Variants in PTPRR observed in about 807,000 individuals in gnomAD.
The protein encoded by PTPRR is receptor-type tyrosine-protein phosphatase R.
In PTPRR, 38 loss-of-function variants were observed where a neutral mutation model predicts 77.2. That is an observed-to-expected ratio of 0.49 (90% CI 0.38 to 0.65). The LOEUF (loss-of-function observed/expected upper bound fraction) is 0.65. Among genes scored for constraint, PTPRR ranks in the 30% least tolerant of loss-of-function variants. The pLI, the probability that PTPRR is intolerant of heterozygous loss-of-function variation, is 0.00. For synonymous variants in PTPRR, 299 were observed against 283.1 expected, an observed-to-expected ratio of 1.06 and a Z score of -0.57; for missense variants, 744 against 799.2, an observed-to-expected ratio of 0.93 and a Z score of 0.83.
chr12:70,680,400 C>CA (rs1015241300), intron 10 of PTPRR, among the ~76,000 whole-genome samples: 24 of 152,146 alleles, frequency 1.6e-4, no homozygotes, highest in Non-Finnish European at 3.2e-4. Flanking sequence ...GAATGACTTT[C>CA]ACCAGCAGAT....
intron 1 of PTPRR, among the ~76,000 whole-genome samples, chr12:70,909,530 T>C (rs978317805): frequency 5.3e-5 from 8 of 152,212 alleles, no homozygotes; most frequent in African/African-American, 1.7e-4. Flanking sequence ...TAACTTAATC[T>C]GAACTGAATT....
chr12:70,753,307 G>T (rs1468378943), intron 5 of PTPRR, among the ~76,000 whole-genome samples: 2 of 151,770 alleles, frequency 1.3e-5, no homozygotes, highest in Non-Finnish European at 2.9e-5. Context: ...TGTTGATTGT[G>T]GAGAGAAATA....
chr12:70,708,697 A>G lies in PTPRR; in HGVS notation c.1008-7374T>C, dbSNP rs949307905. On this transcript the variant is annotated intron_variant, in intron 6 of 13. Coordinates refer to ENST00000283228, the MANE Select transcript of PTPRR (RefSeq NM_002849.4). Reference sequence around the variant, plus strand: ...CCTAAGTTAATTTTTCCTAGTTTATATAATTATTTAAGAAAAAGATGCTAA... The same window carrying G: ...CCTAAGTTAATTTTTCCTAGTTTATGTAATTATTTAAGAAAAAGATGCTAA... 8.6e-5 allele frequency among the ~76,000 whole-genome samples: 13 copies of G among 152,012 alleles called. No homozygotes were observed. The East Asian group carries it at 1.5e-3, about 18-fold the overall frequency.
At chr12:70,736,104 A>C (rs186894796) in intron 6 of PTPRR, among the ~76,000 whole-genome samples, 50 of 152,244 alleles carry the variant, frequency 3.3e-4, no homozygotes, top group African/African-American at 1.2e-3. Context: ...TCTTTGCTCT[A>C]TTCGTGTTCA....
intron 3 of PTPRR, among the ~76,000 whole-genome samples, chr12:70,763,633 G>A (rs1890743515): frequency 2.0e-5 from 3 of 152,232 alleles, no homozygotes; most frequent in Non-Finnish European, 2.9e-5. Flanking sequence ...CCTCCATAGT[G>A]AATGCAGATG....
chr12:70,781,646 AG>A (rs1449779412), intron 2 of PTPRR, among the ~76,000 whole-genome samples: 3 of 152,212 alleles, frequency 2.0e-5, no homozygotes, highest in Non-Finnish European at 4.4e-5. Context: ...AACTAAAATT[AG>A]TATGTTGTCA....
At chr12:70,731,643 C>T (rs1018801368) in intron 6 of PTPRR, among the ~76,000 whole-genome samples, 4 of 152,074 alleles carry the variant, frequency 2.6e-5, no homozygotes, top group African/African-American at 4.8e-5. Context: ...ATTTAAGCAC[C>T]CGTGAAGGAG....
intron 2 of PTPRR, among the ~76,000 whole-genome samples, chr12:70,815,512 G>A (rs1042317141): frequency 3.3e-5 from 5 of 152,112 alleles, no homozygotes; most frequent in South Asian, 2.1e-4. Context: ...CTGATATACC[G>A]AACGGTTTTA....
chr12:70,759,703 A>C (rs1032724590), intron 4 of PTPRR, among the ~76,000 whole-genome samples: 9 of 150,336 alleles, frequency 6.0e-5, no homozygotes, highest in African/African-American at 9.8e-5. Flanking sequence ...AAAAAAAAAA[A>C]AAACAAACGA....
At chr12:70,910,640 T>C (rs1342044362) in intron 1 of PTPRR, among the ~76,000 whole-genome samples, 2 of 152,186 alleles carry the variant, frequency 1.3e-5, no homozygotes, top group Non-Finnish European at 2.9e-5. Flanking sequence ...AAATTTATAA[T>C]TTAAGCCCTC....
intron 6 of PTPRR, among the ~76,000 whole-genome samples, chr12:70,720,727 A>G (rs1361713002): frequency 6.6e-6 from 1 of 151,944 alleles, no homozygotes; most frequent in Non-Finnish European, 1.5e-5. Context: ...GTGATCCCCC[A>G]GGCTTGGCCT....
intron 1 of PTPRR, among the ~76,000 whole-genome samples, chr12:70,897,333 AAGG>A (rs1290747788): frequency 6.6e-6 from 1 of 152,076 alleles, no homozygotes; most frequent in African/African-American, 2.4e-5. Context: ...CCCCATCAAA[AAGG>A]AGGCAAAGGA....
chr12:70,830,875 C>G (rs1892200086), intron 2 of PTPRR, among the ~76,000 whole-genome samples: 1 of 152,204 alleles, frequency 6.6e-6, no homozygotes, highest in African/African-American at 2.4e-5. Flanking sequence ...TATAGCCAGC[C>G]ACTAGTCTAA....
chr12:70,867,656 T>C (rs1287092972), intron 2 of PTPRR, among the ~76,000 whole-genome samples: 1 of 152,000 alleles, frequency 6.6e-6, no homozygotes, highest in Non-Finnish European at 1.5e-5. Context: ...AAGCTACCAA[T>C]GACTTTCTTC....
intron 2 of PTPRR, among the ~76,000 whole-genome samples, chr12:70,840,645 G>T (rs1484878815): frequency 6.6e-6 from 1 of 152,030 alleles, no homozygotes; most frequent in African/African-American, 2.4e-5. Flanking sequence ...GAACAACTGG[G>T]AATAAAAGCA....
rs572316545 is a variant in PTPRR at position 70,679,461 on chromosome 12, T to C, written c.1497+4666A>G. Among the ~76,000 whole-genome samples, 6 of 152,336 alleles carry C rather than the reference T, an allele frequency of 3.9e-5. No individual in the cohort carries two copies. In the South Asian group the frequency reaches 1.2e-3, roughly 32 times the overall value. On this transcript the variant is annotated intron_variant, in intron 10 of 13. Transcript: ENST00000283228. ...TTGTTTATTTTCTGTCTGGATGATCTGTCCATTGCTGAGAGTGGGGTGTTG... is the reference window on the plus strand; with the variant it reads ...TTGTTTATTTTCTGTCTGGATGATCCGTCCATTGCTGAGAGTGGGGTGTTG...
chr12:70,863,240 C>T (rs1284226364), intron 2 of PTPRR, among the ~76,000 whole-genome samples: 2 of 152,122 alleles, frequency 1.3e-5, no homozygotes, highest in Non-Finnish European at 2.9e-5. Context: ...TATAACTATG[C>T]TTAATATACC....
chr12:70,726,166 T>C (rs1164619966), intron 6 of PTPRR, among the ~76,000 whole-genome samples: 1 of 151,924 alleles, frequency 6.6e-6, no homozygotes, highest in African/African-American at 2.4e-5. Flanking sequence ...AATATATACA[T>C]ATGTATATAT....
chr12:70,891,270 A>T (rs1428320610), intron 2 of PTPRR, among the ~76,000 whole-genome samples: 3 of 152,154 alleles, frequency 2.0e-5, no homozygotes, highest in Admixed American at 6.6e-5. Context: ...TGACATTACA[A>T]GATAGAACAA....
Sources: gnomAD v4.1 joint callset for allele counts (sites outside exome capture counted in the v4.1 genomes callset) on GRCh38, gnomAD v4.1.1 for gene constraint, MANE v1.5 for transcripts, NCBI Gene and HGNC (gene_info 2026-07-23, HGNC 2026-07-21) for gene names.